The following VWA5A variants were observed in gnomAD, a reference collection of about 807,000 sequenced individuals.
The protein encoded by VWA5A is von Willebrand factor A domain-containing protein 5A.
VWA5A carries 77 observed loss-of-function variants against 84.6 expected under a neutral mutation model. The ratio of observed to expected loss-of-function variants is 0.91; its 90% CI spans 0.76 to 1.10. VWA5A has a LOEUF of 1.10. VWA5A is among the 50% of genes least tolerant of loss of function. VWA5A has a pLI of 0.00. For missense variants in VWA5A, 973 were observed against 963.0 expected (o/e 1.01, Z -0.14); for synonymous variants, 334 against 350.1 (o/e 0.95, Z 0.51).
chr11:124,136,156 C>A lies in VWA5A; in HGVS notation c.1387C>A (p.Gln463Lys), dbSNP rs1175064642. ...KALRTLKRSL[Q>K]PVVEDVSLSW... is the part of the protein sequence containing the mutation. ...TCTCAGGACTCTGAAACGCTCTCTG[C>A]AGCCTGTGGTAGAGGATGTCTCTCT... The change falls in exon 13 of 19, where the codon CAG becomes AAG. Residue 463 changes from glutamine to lysine, a missense_variant. Transcript: ENST00000456829. 13 of 1,614,170 alleles carry A rather than the reference C, an allele frequency of 8.1e-6. No homozygotes were observed. Among genetic ancestry groups the A allele is most frequent in the Non-Finnish European group, 1.1e-5 (13 of 1,180,032 alleles).
chr11:124,117,857 A>G lies in VWA5A; in HGVS notation c.228A>G (p.Glu76=). The G allele has an allele frequency of 6.2e-7, 1 of 1,614,210 alleles. No homozygotes were observed. Among genetic ancestry groups the G allele is most frequent in the Non-Finnish European group, 8.5e-7 (1 of 1,180,036 alleles). Residue 76 remains glutamate, a synonymous_variant, in exon 4 of 19, where the codon GAA becomes GAG. Transcript: ENST00000456829. ...TGGATGGGAAGAAAATTGTAGCAGAATTACAAGACAAGATGAAGGTAGTAG... is the reference window on the plus strand; with the variant it reads ...TGGATGGGAAGAAAATTGTAGCAGAGTTACAAGACAAGATGAAGGTAGTAG... The part of the protein sequence containing the change: ...ALVDGKKIVA[E]LQDKMKARTN...
intron 15 of VWA5A, 23 bp from the exon 16 acceptor site, chr11:124,141,575 T>C: frequency 6.2e-7 from 1 of 1,613,330 alleles, no homozygotes; most frequent in Non-Finnish European, 8.5e-7. Flanking sequence ...AGTGCCACTG[T>C]CTTAATGTTT....
chr11:124,143,496 G>T (rs1372831646), intron 17 of VWA5A, among the ~76,000 whole-genome samples: 2 of 152,106 alleles, frequency 1.3e-5, no homozygotes, highest in Non-Finnish European at 2.9e-5. Flanking sequence ...TAATTCAATA[G>T]AGGTGTGCTA....
chr11:124,122,265 C>A (rs1026455197), intron 7 of VWA5A, among the ~76,000 whole-genome samples: 2 of 152,170 alleles, frequency 1.3e-5, no homozygotes, highest in African/African-American at 4.8e-5. Flanking sequence ...CTGTATCAGC[C>A]CTCACTTGCT....
chr11:124,122,050 C>T (rs1232700819), intron 7 of VWA5A, among the ~76,000 whole-genome samples: 1 of 152,168 alleles, frequency 6.6e-6, no homozygotes, highest in African/African-American at 2.4e-5. Flanking sequence ...CTGGCATATC[C>T]TATGGAGAAG....
In VWA5A at chr11:124,122,984, C is replaced by T. The variant is rs2137633963; in HGVS notation, c.785C>T (p.Ala262Val). 1 of 1,613,754 alleles carries T rather than the reference C, an allele frequency of 6.2e-7. No individual in the cohort carries two copies. Among genetic ancestry groups the T allele is most frequent in the Non-Finnish European group, 8.5e-7 (1 of 1,179,978 alleles). ...GGTCATTTGATGGGAGATCCATCTG[C>T]AATGGTGAGTTTCTATCCAAATATC... ...KPGHLMGDPS[A>V]MVSFYPNIPE... The change falls in exon 8 of 19, where the codon GCA becomes GTA. Residue 262 changes from alanine to valine, a missense_variant. Transcript: ENST00000456829.
At position 124,118,985 on chromosome 11, in the gene VWA5A, C is replaced by G; in HGVS notation, c.656C>G (p.Ala219Gly). Residue 219 changes from alanine (A) to glycine (G), a missense_variant, in exon 7 of 19, where the codon GCT (alanine) becomes GGT (glycine). Ala to Gly is a moderately conservative substitution (Grantham distance 60, BLOSUM62 0). Transcript: ENST00000456829. Reference protein sequence around the residue: ...EDKTSAQVSLAAGHKFDRDVE... With the variant: ...EDKTSAQVSLGAGHKFDRDVE... ...CTGTCCTCCACTCAGGTTTCCCTGGCTGCTGGACACAAGTTTGATCGGGAC... is the reference window on the plus strand; with the variant it reads ...CTGTCCTCCACTCAGGTTTCCCTGGGTGCTGGACACAAGTTTGATCGGGAC... 2 of 1,614,126 alleles carry G rather than the reference C, an allele frequency of 1.2e-6. No homozygotes were observed. The highest frequency in any genetic ancestry group is 1.7e-6 in the Non-Finnish European group (2 of 1,180,012).
At chr11:124,136,462 C>A in intron 13 of VWA5A, 112 bp from the exon 14 acceptor site, 1 of 1,410,406 alleles carries the variant, frequency 7.1e-7, no homozygotes, top group Non-Finnish European at 9.8e-7. Context: ...CTACCTGATT[C>A]TTCATCAGAT....
chr11:124,136,029 T>G (rs1865175731), intron 12 of VWA5A, 100 bp from the exon 13 acceptor site: 1 of 1,320,942 alleles, frequency 7.6e-7, no homozygotes, highest in African/African-American at 1.4e-5. Context: ...AGGCATGACA[T>G]GTATTATGTA....
intron 13 of VWA5A, 35 bp from the exon 14 acceptor site, chr11:124,136,539 A>T (rs1342181720): frequency 6.3e-7 from 1 of 1,596,776 alleles, no homozygotes; most frequent in African/African-American, 1.3e-5. Flanking sequence ...AGAACATTAC[A>T]TGTTCCGTCA....
At chr11:124,129,457 C>T (rs918659269) in intron 11 of VWA5A, among the ~76,000 whole-genome samples, 11 of 152,124 alleles carry the variant, frequency 7.2e-5, no homozygotes, top group Non-Finnish European at 1.5e-4. Flanking sequence ...TGTTGTGTCT[C>T]AGCCAGGTTT....
chr11:124,134,846 T>G (rs1865149259), intron 11 of VWA5A, 74 bp from the exon 12 acceptor site: 1 of 1,067,104 alleles, frequency 9.4e-7, no homozygotes, highest in Non-Finnish European at 1.4e-6. Context: ...TATGTATTTT[T>G]GGCCATTATG....
chr11:124,127,787 T>C (rs1453880421), intron 11 of VWA5A, among the ~76,000 whole-genome samples: 1 of 152,206 alleles, frequency 6.6e-6, no homozygotes, highest in Non-Finnish European at 1.5e-5. Context: ...CTTTTTTTCA[T>C]GTTTGTTGGC....
chr11:124,120,673 C>G (rs1214499494), intron 7 of VWA5A, among the ~76,000 whole-genome samples: 1 of 152,208 alleles, frequency 6.6e-6, no homozygotes, highest in Non-Finnish European at 1.5e-5. Flanking sequence ...CTGTAACCAT[C>G]TCCTCTTCCA....
chr11:124,146,036 A>G lies in VWA5A; in HGVS notation c.*91A>G, dbSNP rs542217808. 7.7e-7 allele frequency: 1 copy of G among 1,306,472 alleles called. No individual in the cohort carries two copies. The highest frequency in any genetic ancestry group is 1.5e-5 in the African/African-American group (1 of 66,632). 80.9% of individuals were successfully genotyped at this position (1,306,472 alleles called of 1,614,324 possible). On this transcript the variant is annotated 3_prime_UTR_variant, in exon 19 of 19. Coordinates refer to ENST00000456829, the MANE Select transcript of VWA5A (RefSeq NM_001130142.2). ...CTGTGATGATGTGTTCTTGTGTATT[A>G]TAACTCTTTATTTTTTGCCATAAAA...
In VWA5A at chr11:124,134,777, G is replaced by A. The variant is rs1591363085; in HGVS notation, c.1245-143G>A. ...GCATTTTTATACCTCCTAAAATATAGAATATGCTCAGTAAATGGTAGCTGT... is the reference window on the plus strand; with the variant it reads ...GCATTTTTATACCTCCTAAAATATAAAATATGCTCAGTAAATGGTAGCTGT... On this transcript the variant is annotated intron_variant, in intron 11 of 18. Transcript: ENST00000456829. 3 of 544,894 alleles carry A rather than the reference G, an allele frequency of 5.5e-6. No individual in the cohort carries two copies. In the East Asian group the frequency reaches 9.6e-5, roughly 17 times the overall value. The allele number at this position is 544,894 out of a possible 1,614,324, so 33.8% of individuals were successfully genotyped here. A position where few individuals can be genotyped will look rare whatever the true frequency, so the allele number is the denominator to read the frequency against.
At chr11:124,145,792 A>G in intron 18 of VWA5A, 74 bp from the exon 19 acceptor site, 2 of 1,428,374 alleles carry the variant, frequency 1.4e-6, no homozygotes, top group Non-Finnish European at 1.9e-6. Context: ...AACTCAGGGT[A>G]GATGATCTGG....
intron 2 of VWA5A, 102 bp from the exon 3 acceptor site, chr11:124,117,395 C>T (rs752733465): frequency 1.8e-6 from 2 of 1,138,214 alleles, no homozygotes; most frequent in Admixed American, 1.7e-5. Context: ...CAACATTAAC[C>T]CTTTGAATGT....
chr11:124,137,098 A>G lies in VWA5A; in HGVS notation c.1709A>G (p.Lys570Arg), dbSNP rs750061123. Reference protein sequence around the residue: ...GLRETPASDKKDALNLSLESG... With the variant: ...GLRETPASDKRDALNLSLESG... ...AGGGAGACTCCAGCAAGTGATAAAA[A>G]AGATGCATTGAACCTTAGCCTTGAG... is the stretch of plus-strand genomic sequence containing the variant. Residue 570 changes from lysine (K) to arginine (R), a missense_variant, in exon 15 of 19, where the codon AAA becomes AGA. By Grantham distance (26) the Lys-to-Arg change is conservative. Transcript: ENST00000456829. 8.1e-6 allele frequency: 13 copies of G among 1,613,890 alleles called. No homozygotes were observed. Among genetic ancestry groups the G allele is most frequent in the Non-Finnish European group, 1.1e-5 (13 of 1,179,992 alleles).
Sources: allele counts gnomAD v4.1 joint callset (sites outside exome capture counted in the v4.1 genomes callset), GRCh38; gene constraint gnomAD v4.1.1; transcripts MANE v1.5; gene names NCBI Gene and HGNC (gene_info 2026-07-23, HGNC 2026-07-21).